Variants in SHISA6 observed in about 807,000 individuals in gnomAD.
The protein encoded by SHISA6 is shisa family member 6, also known as protein shisa-6.
SHISA6 carries 22 observed loss-of-function variants against 47.9 expected under a neutral mutation model. That is an observed-to-expected ratio of 0.46 (90% CI 0.33 to 0.66). The LOEUF is 0.66. Among genes scored for constraint, SHISA6 ranks in the 30% least tolerant of loss-of-function variants. The probability of loss-of-function intolerance (pLI) is 0.02; values close to 1 mark genes in which losing one functional copy is unlikely to be tolerated. For synonymous variants in SHISA6, 388 were observed against 337.8 expected, an observed-to-expected ratio of 1.15 and a Z score of -1.63; for missense variants, 680 against 764.6, an observed-to-expected ratio of 0.89 and a Z score of 1.30.
intron 1 of SHISA6, among the ~76,000 whole-genome samples, chr17:11,258,564 A>G (rs1290579057): frequency 6.6e-6 from 1 of 152,244 alleles, no homozygotes; most frequent in Non-Finnish European, 1.5e-5. Context: ...TATTTATTTT[A>G]AAATTTGAAA....
At position 11,386,134 on chromosome 17, in the gene SHISA6, G is replaced by A. The variant is rs961035139; in HGVS notation, c.895+6625G>A. On this transcript the variant is annotated intron_variant, in intron 3 of 5. Coordinates refer to ENST00000441885, the MANE Select transcript of SHISA6 (RefSeq NM_207386.4). ...TGTTTCCTAATAAAAAGTTACAAGTGGGAGGCCAAGGAGGGCAGATCACCT... is the reference window on the plus strand; with the variant it reads ...TGTTTCCTAATAAAAAGTTACAAGTAGGAGGCCAAGGAGGGCAGATCACCT... Among the ~76,000 whole-genome samples the A allele has an allele frequency of 3.9e-5, 6 of 152,162 alleles. No individual in the cohort carries two copies. The East Asian group carries it at 1.2e-3, about 29-fold the overall frequency.
chr17:11,435,664 C>T (rs1914915390), intron 3 of SHISA6, among the ~76,000 whole-genome samples: 1 of 152,152 alleles, frequency 6.6e-6, no homozygotes, highest in Admixed American at 6.5e-5. Flanking sequence ...AAGGGGGTAT[C>T]ATTTTCAAAT....
intron 2 of SHISA6, among the ~76,000 whole-genome samples, chr17:11,273,863 T>G (rs1908774765): frequency 6.6e-6 from 1 of 152,074 alleles, no homozygotes; most frequent in Non-Finnish European, 1.5e-5. Flanking sequence ...AGGCGAAACT[T>G]ATGGCCAAAT....
At chr17:11,552,005 A>C (rs1471148134) in intron 4 of SHISA6, 53 bp downstream of exon 4, 2 of 1,507,214 alleles carry the variant, frequency 1.3e-6, no homozygotes, top group Non-Finnish European at 1.8e-6. Flanking sequence ...GAGTGGCACC[A>C]TTCTAAGGAT....
intron 2 of SHISA6, among the ~76,000 whole-genome samples, chr17:11,347,880 G>A (rs151123630): frequency 3.9e-4 from 59 of 152,294 alleles, no homozygotes; most frequent in Middle Eastern, 3.4e-3. Flanking sequence ...GTTGTCCCAC[G>A]TAACCCACTC....
chr17:11,268,494 T>C (rs2142150392), intron 2 of SHISA6, among the ~76,000 whole-genome samples: 1 of 152,344 alleles, frequency 6.6e-6, no homozygotes, highest in Non-Finnish European at 1.5e-5. Context: ...TGCATTGAGA[T>C]ATTTCCCCCT....
intron 2 of SHISA6, among the ~76,000 whole-genome samples, chr17:11,283,205 A>G (rs1405716467): frequency 6.6e-6 from 1 of 152,244 alleles, no homozygotes; most frequent in Non-Finnish European, 1.5e-5. Flanking sequence ...TTGCATTTAT[A>G]TAGCACTCTT....
intron 3 of SHISA6, among the ~76,000 whole-genome samples, chr17:11,479,930 C>T (rs1588726): frequency 0.29 from 44,130 of 151,560 alleles, 7,117 homozygotes; most frequent in African/African-American, 0.43. Flanking sequence ...TATCATTTTC[C>T]TTATCTCTAA....
rs796809748 is a variant in SHISA6 at position 11,291,635 on chromosome 17, A to AAACAAC, written c.799+28130_799+28135dup. On this transcript the variant is annotated intron_variant, in intron 2 of 5. Coordinates refer to ENST00000441885, the MANE Select transcript of SHISA6 (RefSeq NM_207386.4). ...GGCGACAGAGCGAGACTCTGTCTCA[A>AAACAAC]AACAACAACAACAACAACAACAACA... 6.6e-5 allele frequency among the ~76,000 whole-genome samples: 10 copies of AAACAAC among 151,866 alleles called. No homozygotes were observed. The East Asian group carries it at 1.2e-3, about 18-fold the overall frequency.
chr17:11,531,633 A>G (rs1296745138), intron 3 of SHISA6, among the ~76,000 whole-genome samples: 2 of 152,186 alleles, frequency 1.3e-5, no homozygotes, highest in South Asian at 2.1e-4. Flanking sequence ...ATACAGCAAT[A>G]TATGTAAAGA....
Position 11,298,794 on chromosome 17 carries a change from A to G in SHISA6, c.799+35268A>G, listed in dbSNP as rs114501378. On this transcript the variant is annotated intron_variant, in intron 2 of 5. Coordinates refer to ENST00000441885, the MANE Select transcript of SHISA6 (RefSeq NM_207386.4). ...ACTCCCAGTGGCCAAACCATGTTCC[A>G]AGTTCACTGTCAGCAGCTAGCTCAA... Among the ~76,000 whole-genome samples the G allele has an allele frequency of 5.3e-3, 802 of 152,300 alleles. 8 individuals are homozygous for G. The highest frequency in any genetic ancestry group is 0.018 in the African/African-American group (749 of 41,556).
At chr17:11,252,701 A>G (rs1907861568) in intron 1 of SHISA6, among the ~76,000 whole-genome samples, 1 of 152,198 alleles carries the variant, frequency 6.6e-6, no homozygotes, top group Non-Finnish European at 1.5e-5. Context: ...TCACTAGGGA[A>G]TTCTGACCTT....
chr17:11,540,432 C>A (rs111971560), intron 3 of SHISA6, among the ~76,000 whole-genome samples: 4 of 152,086 alleles, frequency 2.6e-5, no homozygotes, highest in Admixed American at 6.5e-5. Context: ...ATCAGAGGAC[C>A]CTGTGTACAC....
intron 2 of SHISA6, among the ~76,000 whole-genome samples, chr17:11,283,642 A>G (rs1909198735): frequency 1.3e-5 from 2 of 152,250 alleles, no homozygotes; most frequent in African/African-American, 4.8e-5. Context: ...GCACCATGCC[A>G]TATGAACTCA....
At chr17:11,311,804 C>A (rs1403441343) in intron 2 of SHISA6, among the ~76,000 whole-genome samples, 1 of 151,728 alleles carries the variant, frequency 6.6e-6, no homozygotes, top group Non-Finnish European at 1.5e-5. Context: ...GAGACAGAGT[C>A]TCACTCTGTT....
intron 3 of SHISA6, among the ~76,000 whole-genome samples, chr17:11,385,193 T>C (rs1225473868): frequency 6.6e-6 from 1 of 151,830 alleles, no homozygotes. Context: ...AAAAAAGAAG[T>C]GACATTGAGC....
intron 5 of SHISA6, among the ~76,000 whole-genome samples, chr17:11,557,450 G>A (rs2142391951): frequency 6.6e-6 from 1 of 152,244 alleles, no homozygotes; most frequent in Middle Eastern, 3.4e-3. Flanking sequence ...TACTCAAGGT[G>A]GTCTATGTAC....
At chr17:11,513,268 T>A (rs1004220941) in intron 3 of SHISA6, among the ~76,000 whole-genome samples, 9 of 151,674 alleles carry the variant, frequency 5.9e-5, no homozygotes, top group African/African-American at 2.2e-4. Flanking sequence ...ATAAGATACA[T>A]ACATATATAT....
At chr17:11,316,770 A>G (rs1767622419) in intron 2 of SHISA6, among the ~76,000 whole-genome samples, 1 of 152,094 alleles carries the variant, frequency 6.6e-6, no homozygotes, top group Non-Finnish European at 1.5e-5. Flanking sequence ...ATTTTCTTAC[A>G]AATGTATTTA....
Sources: gnomAD v4.1 joint callset for allele counts (sites outside exome capture counted in the v4.1 genomes callset) on GRCh38, gnomAD v4.1.1 for gene constraint, MANE v1.5 for transcripts, NCBI Gene and HGNC (gene_info 2026-07-23, HGNC 2026-07-21) for gene names.